Variants in MSI2 observed in about 807,000 individuals in gnomAD.
The protein encoded by MSI2 is RNA-binding protein Musashi homolog 2.
In MSI2, 17 loss-of-function variants were observed where a neutral mutation model predicts 45.6. The ratio of observed to expected loss-of-function variants is 0.37; its 90% CI spans 0.26 to 0.56. The LOEUF is 0.56. Ranked by LOEUF, MSI2 falls within the 20% of genes least tolerant of loss-of-function variation. The pLI is 0.77. For missense variants in MSI2, 293 were observed against 444.2 expected (o/e 0.66, Z 3.06); for synonymous variants, 156 against 158.2 (o/e 0.99, Z 0.11).
chr17:57,482,863 A>C (rs190560736), intron 6 of MSI2, among the ~76,000 whole-genome samples: 40 of 152,340 alleles, frequency 2.6e-4, no homozygotes, highest in Non-Finnish European at 4.4e-5. Flanking sequence ...AGAATTTAGC[A>C]GTTCATTCTG....
chr17:57,526,388 T>G (rs201326169), intron 6 of MSI2, among the ~76,000 whole-genome samples: 1 of 96,812 alleles, frequency 1.0e-5, no homozygotes, highest in African/African-American at 5.0e-5. Flanking sequence ...TGTGTGTGTG[T>G]GTGTGTGTGT....
intron 5 of MSI2, among the ~76,000 whole-genome samples, chr17:57,359,263 A>G (rs1916656915): frequency 6.6e-6 from 1 of 152,142 alleles, no homozygotes; most frequent in South Asian, 2.1e-4. Context: ...TTCCAACTCA[A>G]TATGGGCATT....
intron 5 of MSI2, among the ~76,000 whole-genome samples, chr17:57,390,743 G>C (rs1368103938): frequency 6.6e-6 from 1 of 152,222 alleles, no homozygotes; most frequent in East Asian, 1.9e-4. Flanking sequence ...GATGAGAACA[G>C]GCCTCGTTCT....
intron 5 of MSI2, among the ~76,000 whole-genome samples, chr17:57,273,539 G>GA (rs1216032662): frequency 7.4e-6 from 1 of 134,264 alleles, no homozygotes; most frequent in Non-Finnish European, 1.6e-5. Flanking sequence ...TGTGGGTGGG[G>GA]GGGGGGACCT....
At chr17:57,591,481 G>T (rs1169241893) in intron 7 of MSI2, among the ~76,000 whole-genome samples, 3 of 152,198 alleles carry the variant, frequency 2.0e-5, no homozygotes, top group Non-Finnish European at 4.4e-5. Flanking sequence ...CCAACACTTT[G>T]GGAGGCTGAG....
chr17:57,556,999 C>T (rs1459968918), intron 7 of MSI2, among the ~76,000 whole-genome samples: 1 of 152,122 alleles, frequency 6.6e-6, no homozygotes, highest in Admixed American at 6.5e-5. Flanking sequence ...GGTGGATTGG[C>T]TGAGGCCTGA....
At chr17:57,548,128 G>A (rs985745240) in intron 7 of MSI2, among the ~76,000 whole-genome samples, 1 of 152,102 alleles carries the variant, frequency 6.6e-6, no homozygotes, top group Non-Finnish European at 1.5e-5. Flanking sequence ...GTGTGTAGAG[G>A]GGTTTGGGCT....
chr17:57,403,933 G>GCACACA (rs58718271), intron 6 of MSI2, among the ~76,000 whole-genome samples: 18 of 149,188 alleles, frequency 1.2e-4, no homozygotes, highest in African/African-American at 4.4e-4. Context: ...GAATGAATGT[G>GCACACA]CACACACACA....
intron 5 of MSI2, among the ~76,000 whole-genome samples, chr17:57,326,798 G>T (rs1465748785): frequency 6.6e-6 from 1 of 152,198 alleles, no homozygotes; most frequent in African/African-American, 2.4e-5. Context: ...GGGTCATGTG[G>T]CTTGGAAGTG....
intron 6 of MSI2, among the ~76,000 whole-genome samples, chr17:57,484,506 T>C (rs2085713575): frequency 6.6e-6 from 1 of 152,266 alleles, no homozygotes; most frequent in South Asian, 2.1e-4. Context: ...ACTGGCTTAG[T>C]AGTTACCACA....
intron 9 of MSI2, among the ~76,000 whole-genome samples, chr17:57,621,418 C>G (rs1297923607): frequency 6.6e-6 from 1 of 152,084 alleles, no homozygotes; most frequent in Admixed American, 6.5e-5. Flanking sequence ...GACTATAAAC[C>G]ATTAAAACAT....
chr17:57,603,293 C>T (rs1340267566), intron 8 of MSI2, among the ~76,000 whole-genome samples: 1 of 152,158 alleles, frequency 6.6e-6, no homozygotes, highest in Non-Finnish European at 1.5e-5. Context: ...GTAAAGGGCT[C>T]GATTCTCCTG....
At chr17:57,623,236 C>T (rs1228057829) in intron 9 of MSI2, among the ~76,000 whole-genome samples, 1 of 152,138 alleles carries the variant, frequency 6.6e-6, no homozygotes, top group African/African-American at 2.4e-5. Flanking sequence ...CTCTAAACAT[C>T]ACGCAGCAGA....
Position 57,661,993 on chromosome 17 carries a change from C to T in MSI2, c.790+9832C>T, listed in dbSNP as rs531588965. Among the ~76,000 whole-genome samples the T allele has an allele frequency of 7.9e-5, 12 of 152,312 alleles. No individual in the cohort carries two copies. In the East Asian group the frequency reaches 1.9e-3, roughly 24 times the overall value. ...ATTTTGCATGTGTCTGCGGGTGGCA[C>T]CTGCTTTCCCCAACAATACAAACCA... On this transcript the variant is annotated intron_variant, in intron 11 of 13. Transcript: ENST00000284073.
intron 6 of MSI2, among the ~76,000 whole-genome samples, chr17:57,412,008 G>T (rs1209000865): frequency 6.6e-6 from 1 of 151,814 alleles, no homozygotes; most frequent in African/African-American, 2.4e-5. Flanking sequence ...CTCCGTCTGG[G>T]GGCGGGGCCG....
intron 6 of MSI2, among the ~76,000 whole-genome samples, chr17:57,469,552 T>C (rs995651434): frequency 6.6e-6 from 1 of 152,172 alleles, no homozygotes; most frequent in Non-Finnish European, 1.5e-5. Context: ...GGTTAAGGCT[T>C]ACAGGGGATT....
At chr17:57,650,695 T>C (rs1598492458) in intron 10 of MSI2, among the ~76,000 whole-genome samples, 1 of 152,214 alleles carries the variant, frequency 6.6e-6, no homozygotes, top group African/African-American at 2.4e-5. Context: ...TTCATTGACA[T>C]TTTAAGTAGC....
intron 6 of MSI2, among the ~76,000 whole-genome samples, chr17:57,511,734 T>C (rs967033656): frequency 1.7e-4 from 26 of 152,124 alleles, no homozygotes; most frequent in African/African-American, 5.3e-4. Context: ...TATTTGGCAA[T>C]GGGGTATTGG....
At chr17:57,617,035 A>G (rs1261789763) in intron 9 of MSI2, among the ~76,000 whole-genome samples, 4 of 152,230 alleles carry the variant, frequency 2.6e-5, no homozygotes, top group African/African-American at 9.6e-5. Flanking sequence ...AGCCCTTTCT[A>G]TATTTTCAGA....
Sources: allele counts gnomAD v4.1 joint callset (sites outside exome capture counted in the v4.1 genomes callset), GRCh38; gene constraint gnomAD v4.1.1; transcripts MANE v1.5; gene names NCBI Gene and HGNC (gene_info 2026-07-23, HGNC 2026-07-21).